Variants in PLEKHG1 observed in about 807,000 individuals in gnomAD.
PLEKHG1 encodes the protein pleckstrin homology domain-containing family G member 1.
PLEKHG1 carries 44 observed loss-of-function variants against 100.8 expected under a neutral mutation model. That is an observed-to-expected ratio of 0.44 (90% CI 0.34 to 0.56). The LOEUF is 0.56. PLEKHG1 is among the 20% of genes least tolerant of loss of function. The pLI, the probability that PLEKHG1 is intolerant of heterozygous loss-of-function variation, is 0.01. For missense variants in PLEKHG1, 1,545 were observed against 1,720.9 expected, an observed-to-expected ratio of 0.90 and a Z score of 1.81; for synonymous variants, 640 against 662.5, an observed-to-expected ratio of 0.97 and a Z score of 0.52.
In PLEKHG1 at chr6:150,689,879, CAGA is replaced by C. The variant is rs1172876333; in HGVS notation, c.-99+39105_-99+39107del. On this transcript the variant is annotated intron_variant, in intron 3 of 3. Transcript: ENST00000367326. Reference sequence around the variant, plus strand: ...TCAAAAAAAAAAAAAAAAAGAAAAACAGAAGAAGAAGAAGTAATATGATCTTTG... The same window carrying C: ...TCAAAAAAAAAAAAAAAAAGAAAAACAGAAGAAGAAGTAATATGATCTTTG... Among the ~76,000 whole-genome samples the C allele has an allele frequency of 3.3e-4, 49 of 148,410 alleles. 2 individuals carry two copies. Among genetic ancestry groups the C allele is most frequent in the East Asian group, 2.0e-3 (10 of 5,080 alleles).
At chr6:150,679,816 G>GA (rs199918984) in intron 3 of PLEKHG1, among the ~76,000 whole-genome samples, 6 of 151,046 alleles carry the variant, frequency 4.0e-5, no homozygotes, top group African/African-American at 9.7e-5. Flanking sequence ...TGCCATAAAG[G>GA]AAAAAAAAAT....
At chr6:150,715,240 G>T (rs1200864990) in intron 3 of PLEKHG1, among the ~76,000 whole-genome samples, 1 of 152,104 alleles carries the variant, frequency 6.6e-6, no homozygotes, top group African/African-American at 2.4e-5. Context: ...TATGTAATTT[G>T]GTTTGTATAA....
intron 14 of PLEKHG1, among the ~76,000 whole-genome samples, chr6:150,830,360 C>T (rs1377660530): frequency 6.6e-6 from 1 of 152,154 alleles, no homozygotes; most frequent in African/African-American, 2.4e-5. Flanking sequence ...TAGTGGTTCA[C>T]ACCTGTAGTG....
intron 2 of PLEKHG1, among the ~76,000 whole-genome samples, chr6:150,767,674 G>C (rs568189580): frequency 6.6e-6 from 1 of 152,204 alleles, no homozygotes; most frequent in Non-Finnish European, 1.5e-5. Context: ...AGTGTTTGCT[G>C]TTGGACATTG....
At chr6:150,733,556 TC>T (rs1194650062) in intron 1 of PLEKHG1, 27 bp from the exon 3 acceptor site, 1 of 1,554,034 alleles carries the variant, frequency 6.4e-7, no homozygotes, top group Non-Finnish European at 8.7e-7. Context: ...GCTTATCTTG[TC>T]CTTTTTATTT....
At chr6:150,612,051 C>G (rs145057438) in intron 1 of PLEKHG1, among the ~76,000 whole-genome samples, 17,332 of 109,282 alleles carry the variant, frequency 0.16, 1,300 homozygotes, top group East Asian at 0.28. Flanking sequence ...TTGTTCCCCC[C>G]CCCCCCCCCT....
intron 3 of PLEKHG1, among the ~76,000 whole-genome samples, chr6:150,671,122 C>G (rs1779567777): frequency 6.7e-6 from 1 of 150,294 alleles, no homozygotes; most frequent in African/African-American, 2.5e-5. Flanking sequence ...CACACACACA[C>G]CAGTTTATTT....
rs555104391 is a variant in PLEKHG1, at chr6:150,685,223, C to G, written c.-99+34437C>G. Among the ~76,000 whole-genome samples, 5 of 152,208 alleles carry G rather than the reference C, an allele frequency of 3.3e-5. No homozygotes were observed. In the South Asian group the frequency reaches 1.0e-3, roughly 32 times the overall value. ...TCCCCTGCTCTCTTCCCTGATGCCA[C>G]CCCACTCCCACAGGGCGTGGCCCCA... On this transcript the variant is annotated intron_variant, in intron 3 of 3. Transcript: ENST00000367326.
chr6:150,677,312 GCA>G (rs1203725390), intron 3 of PLEKHG1, among the ~76,000 whole-genome samples: 4 of 127,976 alleles, frequency 3.1e-5, no homozygotes, highest in African/African-American at 6.6e-5. Flanking sequence ...ACGCGCGCGC[GCA>G]CACACACCAC....
intron 6 of PLEKHG1, among the ~76,000 whole-genome samples, chr6:150,803,798 A>C (rs1278279800): frequency 6.6e-6 from 1 of 152,142 alleles, no homozygotes; most frequent in Non-Finnish European, 1.5e-5. Flanking sequence ...AGTCTGTTAA[A>C]TATTAAGGTC....
intron 1 of PLEKHG1, among the ~76,000 whole-genome samples, chr6:150,621,409 C>G (rs1562388577): frequency 6.7e-6 from 1 of 148,598 alleles, no homozygotes; most frequent in Admixed American, 6.7e-5. Flanking sequence ...GAGTCTCACT[C>G]TGTTGCCCAG....
intron 1 of PLEKHG1, among the ~76,000 whole-genome samples, chr6:150,618,577 A>G (rs1203965943): frequency 6.6e-6 from 1 of 152,244 alleles, no homozygotes; most frequent in East Asian, 1.9e-4. Flanking sequence ...ATAGATGTAA[A>G]TAACCCTAAG....
intron 1 of PLEKHG1, among the ~76,000 whole-genome samples, chr6:150,724,291 A>G (rs532974323): frequency 8.5e-5 from 13 of 152,218 alleles, no homozygotes; most frequent in Non-Finnish European, 1.3e-4. Flanking sequence ...ACTTGACCAC[A>G]TGGCCAATAT....
rs772613294 is a variant in PLEKHG1 at position 150,840,364 on chromosome 6, C to G, written c.3626C>G (p.Ser1209Cys). The G allele has an allele frequency of 1.9e-6, 3 of 1,614,060 alleles. No homozygotes were observed. The highest frequency in any genetic ancestry group is 2.5e-6 in the Non-Finnish European group (3 of 1,180,050). ...GATGTGGGAAAGCAGCAGCTGCTGT[C>G]TTTACACAGAAGTTCAAGGTGTGAG... The change falls in exon 16 of 16, where the codon TCT becomes TGT. Residue 1209 changes from serine to cysteine, a missense_variant. Ser to Cys is a moderately radical substitution (Grantham distance 112). Transcript: ENST00000358517.
upstream of PLEKHG1, among the ~76,000 whole-genome samples, chr6:150,720,176 T>C (rs1193317479): frequency 6.6e-6 from 1 of 152,220 alleles, no homozygotes; most frequent in Non-Finnish European, 1.5e-5. Context: ...AGTGCAGTGG[T>C]ATCAGTTTTC....
intron 10 of PLEKHG1, among the ~76,000 whole-genome samples, chr6:150,810,654 T>TGG (rs1454121258): frequency 3.3e-5 from 5 of 152,020 alleles, no homozygotes; most frequent in African/African-American, 7.2e-5. Flanking sequence ...GCACAGTGGC[T>TGG]CACTTTGGGA....
intron 3 of PLEKHG1, among the ~76,000 whole-genome samples, chr6:150,710,107 C>G (rs1781192281): frequency 6.6e-6 from 1 of 152,114 alleles, no homozygotes; most frequent in Admixed American, 6.5e-5. Flanking sequence ...TTAGGTTTAC[C>G]ATTTTGTTAT....
intron 15 of PLEKHG1, 124 bp from the exon 17 acceptor site, chr6:150,839,709 C>G (rs1448583854): frequency 3.2e-6 from 2 of 628,404 alleles, no homozygotes; most frequent in Non-Finnish European, 2.8e-6. Flanking sequence ...CCTTAGACAT[C>G]AGTTAGTCTT....
chr6:150,697,743 T>C (rs1345502703), intron 3 of PLEKHG1, among the ~76,000 whole-genome samples: 1 of 152,202 alleles, frequency 6.6e-6, no homozygotes, highest in Admixed American at 6.5e-5. Flanking sequence ...GACAGTCCCA[T>C]GCTGTGCAAA....
Sources: gnomAD v4.1 joint callset for allele counts (sites outside exome capture counted in the v4.1 genomes callset) on GRCh38, gnomAD v4.1.1 for gene constraint, MANE v1.5 for transcripts, NCBI Gene and HGNC (gene_info 2026-07-23, HGNC 2026-07-21) for gene names.